The following HTR1E variants were observed in gnomAD, a reference collection of about 807,000 sequenced individuals.
The protein encoded by HTR1E is 5-HT-1E.
HTR1E carries 3 observed loss-of-function variants against 3.4 expected under a neutral mutation model. The observed-to-expected ratio is 0.89, with a 90% CI of 0.41 to 2.31. HTR1E has a LOEUF of 2.31. Among genes scored for constraint, HTR1E ranks in the 30% most tolerant of loss-of-function variants. HTR1E has a pLI of 0.05. For missense variants in HTR1E, 392 were observed against 467.0 expected (o/e 0.84, Z 1.48); for synonymous variants, 170 against 182.8 (o/e 0.93, Z 0.56).
At chr6:86,993,806 A>G (rs1767901335) in intron 1 of HTR1E, among the ~76,000 whole-genome samples, 1 of 152,140 alleles carries the variant, frequency 6.6e-6, no homozygotes, top group South Asian at 2.1e-4. Context: ...GGAAAATTTA[A>G]CTTAAATGAG....
intron 1 of HTR1E, among the ~76,000 whole-genome samples, chr6:86,976,846 A>T (rs1191304669): frequency 6.6e-6 from 1 of 152,212 alleles, no homozygotes; most frequent in Non-Finnish European, 1.5e-5. Context: ...TTTAATATGA[A>T]GTTATTCTCT....
At chr6:86,950,831 C>T (rs1385616721) in intron 1 of HTR1E, among the ~76,000 whole-genome samples, 1 of 152,104 alleles carries the variant, frequency 6.6e-6, no homozygotes, top group African/African-American at 2.4e-5. Context: ...TGACAATGCC[C>T]ATACACATTG....
intron 1 of HTR1E, among the ~76,000 whole-genome samples, chr6:87,011,472 G>T (rs943167944): frequency 6.6e-6 from 1 of 152,176 alleles, no homozygotes; most frequent in Non-Finnish European, 1.5e-5. Flanking sequence ...AGTTGATCAG[G>T]AATGCTCCAG....
intron 1 of HTR1E, among the ~76,000 whole-genome samples, chr6:87,009,838 C>CG (rs1307474733): frequency 9.4e-6 from 1 of 106,424 alleles, no homozygotes; most frequent in South Asian, 2.9e-4. Context: ...GGGGACTGAC[C>CG]CCCCCCCACC....
At chr6:86,973,211 T>A (rs1029241314) in intron 1 of HTR1E, among the ~76,000 whole-genome samples, 16 of 152,158 alleles carry the variant, frequency 1.1e-4, no homozygotes, top group African/African-American at 3.4e-4. Context: ...GTAGGTTCTA[T>A]GCTCCTTGTC....
At chr6:87,004,528 TTGA>T (rs201384735) in intron 1 of HTR1E, among the ~76,000 whole-genome samples, 302 of 152,268 alleles carry the variant, frequency 2.0e-3, no homozygotes, top group African/African-American at 6.9e-3. Flanking sequence ...TGAAAAGCAC[TTGA>T]TAAAATTCAA....
At chr6:87,002,984 T>C (rs993828353) in intron 1 of HTR1E, among the ~76,000 whole-genome samples, 3 of 152,196 alleles carry the variant, frequency 2.0e-5, no homozygotes, top group Non-Finnish European at 4.4e-5. Context: ...ACCTAATAGA[T>C]ATTTACAGCA....
intron 1 of HTR1E, among the ~76,000 whole-genome samples, chr6:86,984,890 T>TG (rs1184807150): frequency 1.3e-5 from 2 of 152,048 alleles, no homozygotes; most frequent in Non-Finnish European, 2.9e-5. Context: ...AGATGCAAGG[T>TG]GGTGGGAGGG....
chr6:86,989,849 C>A (rs1767848653), intron 1 of HTR1E, among the ~76,000 whole-genome samples: 1 of 152,144 alleles, frequency 6.6e-6, no homozygotes, highest in Admixed American at 6.6e-5. Context: ...CTTCACTCCT[C>A]CATTTTTATA....
At chr6:86,980,162 C>A (rs563984354) in intron 1 of HTR1E, among the ~76,000 whole-genome samples, 1 of 151,890 alleles carries the variant, frequency 6.6e-6, no homozygotes, top group African/African-American at 2.4e-5. Flanking sequence ...CCGAGGCGGG[C>A]GGATCATGAG....
At position 86,978,282 on chromosome 6, in the gene HTR1E, T is replaced by C. The variant is rs115092624; in HGVS notation, c.-185-36868T>C. ...ATCTCATTGCCAAATTGTCCCTCCTTAGTTGAAACCAGTCAGCACATGACA... is the reference window on the plus strand; with the variant it reads ...ATCTCATTGCCAAATTGTCCCTCCTCAGTTGAAACCAGTCAGCACATGACA... On this transcript the variant is annotated intron_variant, in intron 1 of 1. Transcript: ENST00000305344. Among the ~76,000 whole-genome samples the C allele has an allele frequency of 3.2e-3, 491 of 152,310 alleles. 7 individuals are homozygous for C. Among genetic ancestry groups the C allele is most frequent in the African/African-American group, 0.011 (474 of 41,570 alleles).
chr6:86,965,002 AAT>A (rs1290896612), intron 1 of HTR1E, among the ~76,000 whole-genome samples: 1 of 152,180 alleles, frequency 6.6e-6, no homozygotes, highest in Admixed American at 6.5e-5. Context: ...TTCAGAACCA[AAT>A]CTGCTCAATG....
chr6:86,960,615 CA>C (rs1767392231), intron 1 of HTR1E, among the ~76,000 whole-genome samples: 1 of 152,118 alleles, frequency 6.6e-6, no homozygotes, highest in African/African-American at 2.4e-5. Flanking sequence ...GGAAGTGAAT[CA>C]GGAGCAAACA....
intron 1 of HTR1E, among the ~76,000 whole-genome samples, chr6:87,010,528 G>A (rs564544665): frequency 5.0e-5 from 7 of 141,104 alleles, no homozygotes; most frequent in South Asian, 2.5e-4. Flanking sequence ...GGGCAGAGGC[G>A]CTCCCCACAT....
chr6:86,941,932 AAAAGTTTTATT>A, intron 1 of HTR1E, among the ~76,000 whole-genome samples: 1 of 152,138 alleles, frequency 6.6e-6, no homozygotes, highest in Non-Finnish European at 1.5e-5. Context: ...TTGGTCAGGG[AAAAGTTTTATT>A]ATTAATGACA....
chr6:86,944,815 A>G (rs1768592325), intron 1 of HTR1E, among the ~76,000 whole-genome samples: 1 of 152,160 alleles, frequency 6.6e-6, no homozygotes, highest in Non-Finnish European at 1.5e-5. Flanking sequence ...CATCATCGCT[A>G]TTGCAATGTT....
chr6:87,010,121 C>T (rs1405753822), intron 1 of HTR1E, among the ~76,000 whole-genome samples: 10 of 119,118 alleles, frequency 8.4e-5, no homozygotes, highest in South Asian at 2.9e-4. Context: ...TCCTCACTTC[C>T]CAGTAGGGGC....
At chr6:86,989,509 A>G (rs1386551343) in intron 1 of HTR1E, among the ~76,000 whole-genome samples, 2 of 152,208 alleles carry the variant, frequency 1.3e-5, no homozygotes, top group Non-Finnish European at 2.9e-5. Context: ...ACTTTGTAAA[A>G]TTCAATTAAA....
intron 1 of HTR1E, among the ~76,000 whole-genome samples, chr6:86,975,939 ACACACACACT>A (rs1299640517): frequency 2.0e-5 from 3 of 151,560 alleles, no homozygotes; most frequent in Non-Finnish European, 2.9e-5. Context: ...ACACACACAC[ACACACACACT>A]CTCTCTCTCT....
Sources: allele counts gnomAD v4.1 joint callset (sites outside exome capture counted in the v4.1 genomes callset), GRCh38; gene constraint gnomAD v4.1.1; transcripts MANE v1.5; gene names NCBI Gene and HGNC (gene_info 2026-07-23, HGNC 2026-07-21).